Variants in EPB41L2 observed in about 807,000 individuals in gnomAD.
The protein encoded by EPB41L2 is band 4.1-like protein 2.
EPB41L2 carries 43 observed loss-of-function variants against 113.0 expected under a neutral mutation model. The ratio of observed to expected loss-of-function variants is 0.38; its 90% confidence interval spans 0.30 to 0.49. EPB41L2 has a LOEUF of 0.49. Among genes scored for constraint, EPB41L2 ranks in the 20% least tolerant of loss-of-function variants. The pLI, the probability that EPB41L2 is intolerant of heterozygous loss-of-function variation, is 0.95. For synonymous variants in EPB41L2, 442 were observed against 436.7 expected, an observed-to-expected ratio of 1.01 and a Z score of -0.15; for missense variants, 1,147 against 1,223.4, an observed-to-expected ratio of 0.94 and a Z score of 0.93.
intron 1 of EPB41L2, among the ~76,000 whole-genome samples, chr6:130,985,626 T>C (rs1421602754): frequency 6.6e-6 from 1 of 152,082 alleles, no homozygotes; most frequent in Non-Finnish European, 1.5e-5. Context: ...TCCTGTGTCA[T>C]TGTGAGTAGG....
chr6:131,004,635 C>T (rs922585921), intron 1 of EPB41L2, among the ~76,000 whole-genome samples: 2 of 152,186 alleles, frequency 1.3e-5, no homozygotes, highest in African/African-American at 4.8e-5. Context: ...CCAGACAGTG[C>T]AATGCAGAAT....
intron 18 of EPB41L2, among the ~76,000 whole-genome samples, chr6:130,861,874 CA>C (rs558987011): frequency 1.8e-3 from 219 of 120,604 alleles, no homozygotes; most frequent in African/African-American, 3.8e-3. Context: ...TCCATCTCCC[CA>C]AAAAAAAAAA....
chr6:130,967,065 G>GT (rs1775422543), intron 1 of EPB41L2, among the ~76,000 whole-genome samples: 1 of 152,058 alleles, frequency 6.6e-6, no homozygotes, highest in Non-Finnish European at 1.5e-5. Flanking sequence ...TTTAAGAAGT[G>GT]TATCAGTTCT....
chr6:130,961,703 C>G (rs1358235110), intron 1 of EPB41L2, among the ~76,000 whole-genome samples: 1 of 152,168 alleles, frequency 6.6e-6, no homozygotes, highest in African/African-American at 2.4e-5. Flanking sequence ...AACCCCTGAG[C>G]AGGGAACAGG....
At chr6:130,990,019 A>G (rs990563231) in intron 1 of EPB41L2, among the ~76,000 whole-genome samples, 3 of 152,204 alleles carry the variant, frequency 2.0e-5, no homozygotes, top group Non-Finnish European at 4.4e-5. Context: ...CATATAACTA[A>G]TAAAACACAA....
intron 3 of EPB41L2, among the ~76,000 whole-genome samples, chr6:130,934,392 A>T (rs1183551385): frequency 8.5e-5 from 13 of 152,178 alleles, no homozygotes; most frequent in African/African-American, 1.4e-4. Flanking sequence ...TTTTCCAAAT[A>T]CTCAAAAAAG....
intron 1 of EPB41L2, among the ~76,000 whole-genome samples, chr6:130,978,376 T>G (rs1032677301): frequency 6.6e-6 from 1 of 152,326 alleles, no homozygotes; most frequent in Admixed American, 6.5e-5. Context: ...ATACATGATC[T>G]GCAATGGTGT....
rs1805729759 is a variant in EPB41L2, at chr6:130,928,897, G to A, written c.706-2188C>T. On this transcript the variant is annotated intron_variant, in intron 3 of 19. Coordinates refer to ENST00000337057, the MANE Select transcript of EPB41L2 (RefSeq NM_001431.4). ...CTCACGTGAGAATAAAATTAACCCA[G>A]TGAGATGGAATATGCCTCAACCAAC... Among the ~76,000 whole-genome samples the A allele has an allele frequency of 2.0e-5, 3 of 152,350 alleles. No individual in the cohort carries two copies. The South Asian group carries it at 6.2e-4, about 32-fold the overall frequency.
intron 2 of EPB41L2, 119 bp downstream of exon 2, chr6:130,955,875 T>C: frequency 1.3e-6 from 2 of 1,484,900 alleles, no homozygotes; most frequent in Non-Finnish European, 1.8e-6. Flanking sequence ...CCGTATACAT[T>C]AAGCTAAAGC....
In EPB41L2 at chr6:130,880,093, C is replaced by T; in HGVS notation, c.1896+51G>A. On this transcript the variant is annotated intron_variant, in intron 13 of 19. Transcript: ENST00000337057. ...CAGCCTAGGCGTGACCTCCCGTCCA[C>T]AGCAGCCGGGCAGCCATTAGGACAG... 4 of 1,417,136 alleles carry T rather than the reference C, an allele frequency of 2.8e-6. No individual in the cohort carries two copies. In the South Asian group the frequency reaches 4.7e-5, roughly 17 times the overall value. The allele number at this position is 1,417,136 out of a possible 1,614,324, so 87.8% of individuals were successfully genotyped here.
At chr6:130,888,199 C>T in intron 11 of EPB41L2, among the ~76,000 whole-genome samples, 1 of 152,080 alleles carries the variant, frequency 6.6e-6, no homozygotes. Context: ...CCTAGCTTTG[C>T]TCTGGGGGAA....
At chr6:130,979,728 A>T (rs118060835) in intron 1 of EPB41L2, among the ~76,000 whole-genome samples, 2,766 of 152,280 alleles carry the variant, frequency 0.018, 38 homozygotes, top group South Asian at 0.029. Flanking sequence ...AGAGACTTCC[A>T]AACAAAGTAA....
intron 10 of EPB41L2, among the ~76,000 whole-genome samples, chr6:130,892,931 G>A (rs1793446816): frequency 6.6e-6 from 1 of 152,120 alleles, no homozygotes; most frequent in Non-Finnish European, 1.5e-5. Context: ...GTATTTGGTA[G>A]AACAGTATTA....
At chr6:130,895,746 T>G (rs1486558665) in intron 8 of EPB41L2, among the ~76,000 whole-genome samples, 2 of 152,228 alleles carry the variant, frequency 1.3e-5, no homozygotes, top group Admixed American at 1.3e-4. Flanking sequence ...GCTGGCACGT[T>G]TCAAAGGACT....
chr6:130,985,074 G>C (rs932772335), intron 1 of EPB41L2, among the ~76,000 whole-genome samples: 10 of 152,136 alleles, frequency 6.6e-5, no homozygotes, highest in African/African-American at 2.4e-4. Context: ...TCACCTTCAA[G>C]CCAAAAAAAC....
chr6:130,895,347 A>G (rs977227532), intron 8 of EPB41L2, among the ~76,000 whole-genome samples: 37 of 152,200 alleles, frequency 2.4e-4, no homozygotes, highest in African/African-American at 7.0e-4. Flanking sequence ...TTACGGCAAC[A>G]TGACCATAAG....
At chr6:130,874,276 A>G (rs919198669) in intron 14 of EPB41L2, among the ~76,000 whole-genome samples, 4 of 152,054 alleles carry the variant, frequency 2.6e-5, no homozygotes, top group African/African-American at 9.7e-5. Flanking sequence ...TTTTTTTTAA[A>G]AAGAAACTAT....
rs182430139 is a variant in EPB41L2, at chr6:131,059,166, G to A, written c.-15+3989C>T. Among the ~76,000 whole-genome samples, 524 of 135,952 alleles carry A rather than the reference G, an allele frequency of 3.9e-3. 1 individual carries two copies. Among genetic ancestry groups the A allele is most frequent in the African/African-American group, 0.015 (506 of 34,848 alleles). 89.2% of individuals were successfully genotyped at this position (135,952 alleles called of 152,430 possible). On this transcript the variant is annotated intron_variant, in intron 1 of 19. Transcript: ENST00000337057. Reference sequence around the variant, plus strand: ...GTCTGGCTCTGTCACCCAGGCTGGCGTGCAGTGGCGCAATCTCCGCTCACA... The same window carrying A: ...GTCTGGCTCTGTCACCCAGGCTGGCATGCAGTGGCGCAATCTCCGCTCACA...
At chr6:130,883,616 C>T (rs1443819084) in intron 12 of EPB41L2, among the ~76,000 whole-genome samples, 1 of 152,122 alleles carries the variant, frequency 6.6e-6, no homozygotes, top group Non-Finnish European at 1.5e-5. Flanking sequence ...GTTAACTAGG[C>T]AAAATGGAAC....
Sources: gnomAD v4.1 joint callset for allele counts (sites outside exome capture counted in the v4.1 genomes callset) on GRCh38, gnomAD v4.1.1 for gene constraint, MANE v1.5 for transcripts, NCBI Gene and HGNC (gene_info 2026-07-23, HGNC 2026-07-21) for gene names.